Variants in MCPH1 observed in about 807,000 individuals in gnomAD.
MCPH1 encodes microcephalin 1.
In MCPH1, 104 loss-of-function variants were observed where a neutral mutation model predicts 84.5. That is an observed-to-expected ratio of 1.23 (90% CI 1.05 to 1.45). The LOEUF is 1.45. Among genes scored for constraint, MCPH1 ranks in the 40% most tolerant of loss-of-function variants. The probability of loss-of-function intolerance (pLI) is 0.00; values close to 1 mark genes in which losing one functional copy is unlikely to be tolerated. For missense variants in MCPH1, 1,498 were observed against 1,005.7 expected (o/e 1.49, Z -6.62); for synonymous variants, 514 against 366.8 (o/e 1.40, Z -4.58).
intron 3 of MCPH1, among the ~76,000 whole-genome samples, chr8:6,417,153 C>A (rs1310163317): frequency 1.3e-5 from 2 of 152,034 alleles, no homozygotes; most frequent in Non-Finnish European, 2.9e-5. Flanking sequence ...ACATATGATT[C>A]GTTTTTGGCC....
chr8:6,609,751 C>A (rs1461139656), intron 12 of MCPH1, among the ~76,000 whole-genome samples: 1 of 150,852 alleles, frequency 6.6e-6, no homozygotes, highest in Non-Finnish European at 1.5e-5. Context: ...GCCTCGCCTG[C>A]CATGCTCTTT....
chr8:6,426,136 C>G (rs1033614699), intron 3 of MCPH1, among the ~76,000 whole-genome samples: 3 of 152,206 alleles, frequency 2.0e-5, no homozygotes, highest in Non-Finnish European at 2.9e-5. Context: ...TTAGATACAG[C>G]ATTCTGCTCA....
At chr8:6,626,095 A>T (rs183278452) in intron 13 of MCPH1, 3 of 985,224 alleles carry the variant, frequency 3.0e-6, no homozygotes, top group South Asian at 9.4e-5. Flanking sequence ...CAACAACTCC[A>T]TATCTATGAC....
At chr8:6,608,724 A>C (rs566292534) in intron 12 of MCPH1, among the ~76,000 whole-genome samples, 8 of 152,204 alleles carry the variant, frequency 5.3e-5, no homozygotes, top group Non-Finnish European at 1.0e-4. Flanking sequence ...GGCTGCAGCA[A>C]CTGGAATTGT....
At chr8:6,601,118 C>T (rs1276202898) in intron 12 of MCPH1, among the ~76,000 whole-genome samples, 2 of 152,100 alleles carry the variant, frequency 1.3e-5, no homozygotes, top group Non-Finnish European at 2.9e-5. Flanking sequence ...CTAGGCCTCC[C>T]TGCAGCCACC....
At chr8:6,596,738 G>C (rs1828957465) in intron 12 of MCPH1, among the ~76,000 whole-genome samples, 1 of 152,188 alleles carries the variant, frequency 6.6e-6, no homozygotes, top group Non-Finnish European at 1.5e-5. Context: ...CCAAAAAACG[G>C]TAGAACTGAA....
At chr8:6,571,427 TGTC>T (rs1826651928) in intron 12 of MCPH1, among the ~76,000 whole-genome samples, 1 of 152,196 alleles carries the variant, frequency 6.6e-6, no homozygotes, top group Non-Finnish European at 1.5e-5. Context: ...TCATAAATGT[TGTC>T]GAGATCTCAA....
At chr8:6,538,224 T>C (rs781711368) in intron 12 of MCPH1, among the ~76,000 whole-genome samples, 14 of 152,326 alleles carry the variant, frequency 9.2e-5, no homozygotes, top group Non-Finnish European at 1.2e-4. Context: ...GGAAACATTT[T>C]ACTGTTGCCC....
chr8:6,589,702 T>A (rs1828286847), intron 12 of MCPH1, among the ~76,000 whole-genome samples: 2 of 152,218 alleles, frequency 1.3e-5, no homozygotes, highest in South Asian at 4.1e-4. Flanking sequence ...GTTTTCTGCT[T>A]TTTCTTAGTG....
At position 6,427,681 on chromosome 8, in the gene MCPH1, C is replaced by G. The variant is rs78890221; in HGVS notation, c.234-3818C>G. On this transcript the variant is annotated intron_variant, in intron 3 of 13. Transcript: ENST00000344683. ...ACATGGGAGTTATTGCACCCGGCTC[C>G]TCCCATAAGTAAATAATCTATCTCT... is the stretch of plus-strand genomic sequence containing the variant. Among the ~76,000 whole-genome samples, 1,511 of 152,154 alleles carry G rather than the reference C, an allele frequency of 9.9e-3. 26 individuals are homozygous for G. Among genetic ancestry groups the G allele is most frequent in the African/African-American group, 0.035 (1,458 of 41,490 alleles).
intron 12 of MCPH1, among the ~76,000 whole-genome samples, chr8:6,504,317 C>CAA (rs35379672): frequency 0.094 from 8,052 of 85,448 alleles, 682 homozygotes; most frequent in East Asian, 0.23. Flanking sequence ...GACTCCAGCT[C>CAA]AAAAAAAAAA....
intron 12 of MCPH1, among the ~76,000 whole-genome samples, chr8:6,573,266 G>A (rs892045122): frequency 1.3e-5 from 2 of 152,192 alleles, no homozygotes; most frequent in East Asian, 3.9e-4. Flanking sequence ...TAGAGGAGGT[G>A]TGAGTAGAGG....
At chr8:6,427,381 G>A (rs561587411) in intron 3 of MCPH1, among the ~76,000 whole-genome samples, 4 of 152,038 alleles carry the variant, frequency 2.6e-5, no homozygotes, top group Admixed American at 6.6e-5. Flanking sequence ...ATACTATAAC[G>A]TTTTTTTAAA....
At position 6,443,975 on chromosome 8, in the gene MCPH1, G is replaced by A. The variant is rs540923216; in HGVS notation, c.671-418G>A. Among the ~76,000 whole-genome samples, 7 of 152,336 alleles carry A rather than the reference G, an allele frequency of 4.6e-5. No homozygotes were observed. The South Asian group carries it at 1.5e-3, about 32-fold the overall frequency. ...ACTGGAAGACAGGGAAGGTAAGGGT[G>A]AGCTGTGTTCATTGAGGGAATGTTT... On this transcript the variant is annotated intron_variant, in intron 7 of 13. Transcript: ENST00000344683.
intron 4 of MCPH1, among the ~76,000 whole-genome samples, chr8:6,435,172 A>T (rs952320775): frequency 6.6e-6 from 1 of 152,176 alleles, no homozygotes; most frequent in Non-Finnish European, 1.5e-5. Context: ...CGGTAGGGCA[A>T]GCATAATCAT....
At chr8:6,636,185 C>CA in intron 13 of MCPH1, among the ~76,000 whole-genome samples, 1 of 151,890 alleles carries the variant, frequency 6.6e-6, no homozygotes, top group East Asian at 2.0e-4. Flanking sequence ...CTAAAAATTA[C>CA]AAAAATTAGC....
chr8:6,431,738 G>C, intron 4 of MCPH1, 152 bp downstream of exon 4: 1 of 603,522 alleles, frequency 1.7e-6, no homozygotes, highest in East Asian at 2.8e-5. Flanking sequence ...GCATTTTTAA[G>C]TGAATTACAG....
intron 12 of MCPH1, among the ~76,000 whole-genome samples, chr8:6,586,851 C>T (rs1377772153): frequency 1.3e-5 from 2 of 152,152 alleles, no homozygotes; most frequent in Non-Finnish European, 2.9e-5. Context: ...TGAATCCTGT[C>T]GCTGGCTTTA....
At chr8:6,593,279 C>G (rs913185014) in intron 12 of MCPH1, among the ~76,000 whole-genome samples, 5 of 150,372 alleles carry the variant, frequency 3.3e-5, no homozygotes, top group African/African-American at 1.2e-4. Context: ...GATGGGATTT[C>G]TCCATGTTAG....
Sources: allele counts gnomAD v4.1 joint callset (sites outside exome capture counted in the v4.1 genomes callset), GRCh38; gene constraint gnomAD v4.1.1; transcripts MANE v1.5; gene names NCBI Gene and HGNC (gene_info 2026-07-23, HGNC 2026-07-21).